The following NCALD variants were observed in gnomAD, a reference collection of about 807,000 sequenced individuals.
NCALD encodes the protein neurocalcin delta.
Under a neutral mutation model 18.6 loss-of-function variants are expected in NCALD, and 10 were observed. That is an observed-to-expected ratio of 0.54 (90% CI 0.33 to 0.91). The LOEUF is 0.91. Ranked by LOEUF, NCALD falls within the 40% of genes least tolerant of loss-of-function variation. NCALD has a pLI of 0.03. For synonymous variants in NCALD, 88 were observed against 87.4 expected (o/e 1.01, Z -0.04); for missense variants, 184 against 247.6 (o/e 0.74, Z 1.72).
chr8:101,820,228 A>G (rs1813665235), intron 4 of NCALD, among the ~76,000 whole-genome samples: 1 of 152,212 alleles, frequency 6.6e-6, no homozygotes, highest in Admixed American at 6.5e-5. Context: ...ATATAGCACC[A>G]AAATTTAAGG....
At chr8:101,874,739 G>A (rs1816160458) in intron 4 of NCALD, among the ~76,000 whole-genome samples, 1 of 151,958 alleles carries the variant, frequency 6.6e-6, no homozygotes, top group Non-Finnish European at 1.5e-5. Flanking sequence ...TGTTGCCCAG[G>A]TTGGTCTCAA....
At chr8:101,721,534 T>C (rs1338719258) in intron 1 of NCALD, among the ~76,000 whole-genome samples, 2 of 152,182 alleles carry the variant, frequency 1.3e-5, no homozygotes, top group Non-Finnish European at 2.9e-5. Context: ...AACTATCTGG[T>C]GGTTAAGACT....
intron 2 of NCALD, among the ~76,000 whole-genome samples, chr8:102,004,907 G>T (rs1821637912): frequency 1.3e-5 from 2 of 152,276 alleles, no homozygotes; most frequent in South Asian, 4.1e-4. Flanking sequence ...TTAAACGTTA[G>T]ACCTAAAACC....
At chr8:102,091,614 T>C (rs527506750) in intron 1 of NCALD, among the ~76,000 whole-genome samples, 3 of 152,380 alleles carry the variant, frequency 2.0e-5, no homozygotes, top group Admixed American at 2.0e-4. Flanking sequence ...TTACTTATTT[T>C]GCCTTACTGT....
chr8:101,703,705 C>A (rs531335032), intron 2 of NCALD, among the ~76,000 whole-genome samples: 1 of 152,168 alleles, frequency 6.6e-6, no homozygotes, highest in Non-Finnish European at 1.5e-5. Context: ...ACCTGGTGGA[C>A]TCACTGATGG....
At chr8:102,119,252 G>T (rs1396900196) in intron 1 of NCALD, among the ~76,000 whole-genome samples, 1 of 152,188 alleles carries the variant, frequency 6.6e-6, no homozygotes, top group African/African-American at 2.4e-5. Flanking sequence ...AAAAAGGAAA[G>T]AAATTCTGCC....
chr8:101,796,664 A>AATGTAAGAG, intron 4 of NCALD, among the ~76,000 whole-genome samples: 1 of 152,310 alleles, frequency 6.6e-6, no homozygotes. Context: ...AATACAGAAA[A>AATGTAAGAG]ATGTAAGAGA....
chr8:101,845,806 A>G (rs1586621823), intron 4 of NCALD, among the ~76,000 whole-genome samples: 1 of 152,084 alleles, frequency 6.6e-6, no homozygotes, highest in African/African-American at 2.4e-5. Context: ...GTACCCATTA[A>G]CCACCCTCTC....
chr8:101,890,483 G>A (rs1294626562), intron 3 of NCALD, among the ~76,000 whole-genome samples: 1 of 152,158 alleles, frequency 6.6e-6, no homozygotes, highest in African/African-American at 2.4e-5. Context: ...CAATGCAACA[G>A]TATTGAGAGA....
chr8:101,950,460 C>G (rs1413768345), intron 2 of NCALD: 1 of 152,152 alleles, frequency 6.6e-6, no homozygotes, highest in African/African-American at 2.4e-5. Flanking sequence ...ACCATCAGAC[C>G]CTCAGAGAGC....
intron 1 of NCALD, among the ~76,000 whole-genome samples, chr8:102,056,272 T>G (rs1823646438): frequency 6.6e-6 from 1 of 152,188 alleles, no homozygotes; most frequent in African/African-American, 2.4e-5. Context: ...ATGTGTGTGT[T>G]TTAAGAGCCT....
intron 2 of NCALD, among the ~76,000 whole-genome samples, chr8:101,935,951 T>C (rs1451877207): frequency 6.6e-6 from 1 of 152,090 alleles, no homozygotes; most frequent in Non-Finnish European, 1.5e-5. Context: ...ACACGATTAG[T>C]GCTGGCTTTA....
intron 2 of NCALD, among the ~76,000 whole-genome samples, chr8:101,695,827 A>G (rs961211604): frequency 1.3e-5 from 2 of 152,122 alleles, no homozygotes; most frequent in African/African-American, 4.8e-5. Context: ...TAGGGTCTTG[A>G]ATACAGTCAA....
chr8:101,795,468 T>C (rs1171200881), upstream of NCALD, among the ~76,000 whole-genome samples: 1 of 152,154 alleles, frequency 6.6e-6, no homozygotes, highest in African/African-American at 2.4e-5. Flanking sequence ...GCTTCCTAGA[T>C]GGCGCCTTCA....
At chr8:102,017,786 A>C (rs1279692686) in intron 2 of NCALD, among the ~76,000 whole-genome samples, 1 of 152,200 alleles carries the variant, frequency 6.6e-6, no homozygotes, top group East Asian at 1.9e-4. Flanking sequence ...CTACTCTTTG[A>C]ATGAGACTTT....
At chr8:101,940,894 C>A (rs1281634196) in intron 2 of NCALD, among the ~76,000 whole-genome samples, 1 of 152,050 alleles carries the variant, frequency 6.6e-6, no homozygotes, top group Non-Finnish European at 1.5e-5. Flanking sequence ...CCAAACAGGA[C>A]CTTGAGTTGA....
chr8:101,804,562 TATATAATTA>T (rs1207378917), intron 4 of NCALD, among the ~76,000 whole-genome samples: 7 of 121,988 alleles, frequency 5.7e-5, no homozygotes, highest in East Asian at 4.3e-4. Flanking sequence ...GATTATATAA[TATATAATTA>T]ATATAATTAA....
intron 1 of NCALD, among the ~76,000 whole-genome samples, chr8:102,073,031 T>C (rs908338792): frequency 1.3e-5 from 2 of 152,216 alleles, no homozygotes; most frequent in Non-Finnish European, 2.9e-5. Context: ...CACATAAATA[T>C]GTATGTAGAA....
chr8:102,040,519 T>C (rs1823014602), intron 1 of NCALD, among the ~76,000 whole-genome samples: 1 of 151,472 alleles, frequency 6.6e-6, no homozygotes, highest in Admixed American at 6.6e-5. Flanking sequence ...TTTCAACAGA[T>C]ACTGCAATAA....
Sources: gnomAD v4.1 joint callset for allele counts (sites outside exome capture counted in the v4.1 genomes callset) on GRCh38, gnomAD v4.1.1 for gene constraint, MANE v1.5 for transcripts, NCBI Gene and HGNC (gene_info 2026-07-23, HGNC 2026-07-21) for gene names.